The following MED12L variants were observed in gnomAD, a reference collection of about 807,000 sequenced individuals.
MED12L encodes mediator complex subunit 12L.
In MED12L, 60 loss-of-function variants were observed where a neutral mutation model predicts 281.3. The observed-to-expected ratio is 0.21, with a 90% CI of 0.17 to 0.26. The LOEUF (loss-of-function observed/expected upper bound fraction) is 0.26, where lower values mean the gene tolerates loss of function less well. Among genes scored for constraint, MED12L ranks in the 10% least tolerant of loss-of-function variants. The pLI is 1.00. For missense variants in MED12L, 2,146 were observed against 2,680.9 expected, an observed-to-expected ratio of 0.80 and a Z score of 4.41; for synonymous variants, 974 against 987.2, an observed-to-expected ratio of 0.99 and a Z score of 0.25.
At chr3:151,221,610 C>T (rs1003504284) in intron 16 of MED12L, among the ~76,000 whole-genome samples, 2 of 152,188 alleles carry the variant, frequency 1.3e-5, no homozygotes, top group Admixed American at 6.5e-5. Flanking sequence ...GGGTGCAAGC[C>T]TCAAGCCTTG....
At chr3:151,386,856 G>T (rs943140518) in intron 36 of MED12L, among the ~76,000 whole-genome samples, 3 of 151,964 alleles carry the variant, frequency 2.0e-5, no homozygotes, top group African/African-American at 7.2e-5. Flanking sequence ...TTACAGGTGT[G>T]AGCCACCACA....
chr3:151,359,799 A>G (rs1474512007), intron 20 of MED12L, among the ~76,000 whole-genome samples: 5 of 152,142 alleles, frequency 3.3e-5, no homozygotes, highest in Admixed American at 1.3e-4. Flanking sequence ...AGATGCACAG[A>G]TAGGTGAATG....
chr3:151,126,146 T>A (rs1172731451), intron 4 of MED12L, among the ~76,000 whole-genome samples: 1 of 150,248 alleles, frequency 6.7e-6, no homozygotes, highest in African/African-American at 2.5e-5. Context: ...CCTCCCAGGC[T>A]CAAGCAATTC....
intron 16 of MED12L, chr3:151,193,892 C>A: frequency 2.4e-6 from 1 of 409,282 alleles, no homozygotes; most frequent in Non-Finnish European, 4.3e-6. Context: ...ATGAAATTTT[C>A]TATGTTAGTA....
At chr3:151,307,531 CTCTGTG>C (rs1163265155) in intron 16 of MED12L, among the ~76,000 whole-genome samples, 6 of 120,416 alleles carry the variant, frequency 5.0e-5, no homozygotes, top group Non-Finnish European at 8.6e-5. Flanking sequence ...AGGTAACTTG[CTCTGTG>C]TGTGTGTGTG....
Position 151,409,262 on chromosome 3 carries a change from C to A in MED12L, c.5840C>A (p.Ala1947Asp), listed in dbSNP as rs768969495. The change falls in exon 40 of 45, where the codon GCT becomes GAT. Residue 1947 changes from alanine to aspartate, a missense_variant. Ala to Asp is a moderately radical substitution (Grantham distance 126). Around this residue, in one of 9 missense-constraint regions of MED12L, gnomAD observed 496 missense variants for 512.0 expected, o/e 0.97. Transcript: ENST00000687756. The stretch of plus-strand genomic sequence containing the variant: ...TTCCAGGGCCAGCCGGGGGACCAGG[C>A]TGCTCTCTTTGCTGCGCAAGCACGG... ...PFQQGQPGDQ[A>D]ALFAAQARPS... The A allele has an allele frequency of 6.2e-7, 1 of 1,607,662 alleles. No individual in the cohort carries two copies. Among genetic ancestry groups the A allele is most frequent in the South Asian group, 1.1e-5 (1 of 89,946 alleles).
intron 27 of MED12L, among the ~76,000 whole-genome samples, chr3:151,373,005 G>A (rs1283543954): frequency 1.3e-5 from 2 of 152,142 alleles, no homozygotes; most frequent in Admixed American, 1.3e-4. Flanking sequence ...ATTTGTATGT[G>A]GAGATGTGGG....
chr3:151,303,180 G>T (rs1311913628), intron 16 of MED12L, among the ~76,000 whole-genome samples: 1 of 152,170 alleles, frequency 6.6e-6, no homozygotes, highest in Non-Finnish European at 1.5e-5. Context: ...GGTGAAAAGG[G>T]TTAGAAGATT....
intron 25 of MED12L, among the ~76,000 whole-genome samples, chr3:151,368,541 G>A (rs1755566218): frequency 6.6e-6 from 1 of 151,810 alleles, no homozygotes; most frequent in Non-Finnish European, 1.5e-5. Flanking sequence ...CACGTACTGT[G>A]TGTGTTGGTT....
intron 16 of MED12L, among the ~76,000 whole-genome samples, chr3:151,220,170 T>C (rs1729066655): frequency 6.7e-6 from 1 of 150,134 alleles, no homozygotes; most frequent in Non-Finnish European, 1.5e-5. Context: ...AAAATGTTTC[T>C]AGACTTTGCC....
chr3:151,423,888 A>G (rs1560150300), intron 43 of MED12L, among the ~76,000 whole-genome samples: 1 of 152,236 alleles, frequency 6.6e-6, no homozygotes, highest in Non-Finnish European at 1.5e-5. Context: ...GGCTTTTTAC[A>G]TCGACTGATC....
At chr3:151,378,223 A>G (rs1333778128) in intron 31 of MED12L, 50 bp downstream of exon 31, 1 of 1,504,096 alleles carries the variant, frequency 6.6e-7, no homozygotes, top group Non-Finnish European at 8.9e-7. Flanking sequence ...AATAATTGAG[A>G]AAGTCTCACT....
chr3:151,119,450 A>G (rs887634659), intron 3 of MED12L, among the ~76,000 whole-genome samples: 4 of 152,114 alleles, frequency 2.6e-5, no homozygotes, highest in Admixed American at 6.6e-5. Context: ...GTGTCTTCAC[A>G]TGGTCTTTTC....
In MED12L at chr3:151,386,578, G is replaced by GTTT. The variant is rs201719010; in HGVS notation, c.5089-1219_5089-1217dup. On this transcript the variant is annotated intron_variant, in intron 36 of 44. Transcript: ENST00000687756. ...CTAATTTTTTTTTGTTTTTGTCTTT[G>GTTT]TTTTTTTTTTTTTTTCAAGACAGAG... is the stretch of plus-strand genomic sequence containing the variant. 5.6e-3 allele frequency among the ~76,000 whole-genome samples: 714 copies of GTTT among 128,368 alleles called. 14 individuals are homozygous for GTTT. The highest frequency in any genetic ancestry group is 0.016 in the African/African-American group (553 of 34,604). The allele number at this position is 128,368 out of a possible 152,430, so 84.2% of individuals were successfully genotyped here.
At chr3:151,327,939 A>T in intron 16 of MED12L, 1 of 1,275,854 alleles carries the variant, frequency 7.8e-7, no homozygotes, top group South Asian at 1.7e-5. Flanking sequence ...TGATTTCCAC[A>T]TTATCTACGG....
rs569790293 is a variant in MED12L, at chr3:151,411,558, G to A, written c.6140+51G>A. On this transcript the variant is annotated intron_variant, in intron 41 of 44. Coordinates refer to ENST00000687756, the MANE Select transcript of MED12L (RefSeq NM_001393769.1). The stretch of plus-strand genomic sequence containing the variant: ...CAATAATGAACAGTCACATTCTCGG[G>A]TTTCTTATGCTTCTTATAGGGCATG... 13 of 1,517,534 alleles carry A rather than the reference G, an allele frequency of 8.6e-6. No homozygotes were observed. The South Asian group carries it at 1.0e-4, about 12-fold the overall frequency. The allele number at this position is 1,517,534 out of a possible 1,614,324, so 94.0% of individuals were successfully genotyped here.
intron 43 of MED12L, among the ~76,000 whole-genome samples, chr3:151,420,223 T>A (rs530794341): frequency 1.3e-5 from 2 of 152,250 alleles, no homozygotes; most frequent in African/African-American, 4.8e-5. Flanking sequence ...CTTACCTCTA[T>A]TGTGGAATAG....
intron 16 of MED12L, among the ~76,000 whole-genome samples, chr3:151,331,533 G>GGT (rs1750354653): frequency 6.6e-6 from 1 of 152,304 alleles, no homozygotes; most frequent in East Asian, 1.9e-4. Context: ...TCTGTCATGT[G>GGT]GTAGGTATCA....
chr3:151,315,441 G>A (rs1440446658), intron 16 of MED12L, among the ~76,000 whole-genome samples: 3 of 152,128 alleles, frequency 2.0e-5, no homozygotes, highest in Non-Finnish European at 4.4e-5. Context: ...ATGAAATAAA[G>A]ATTTTCTGGC....
Sources: allele counts gnomAD v4.1 joint callset (sites outside exome capture counted in the v4.1 genomes callset), GRCh38; gene constraint gnomAD v4.1.1; regional missense constraint gnomAD v4.1.1; transcripts MANE v1.5; gene names NCBI Gene and HGNC (gene_info 2026-07-23, HGNC 2026-07-21).